Variants in FRMPD4 observed in about 807,000 individuals in gnomAD.
FRMPD4 encodes the protein FERM and PDZ domain containing 4, also known as FERM and PDZ domain-containing protein 4.
A neutral mutation model predicts 94.1 loss-of-function variants in FRMPD4; 22 were observed. That is an observed-to-expected ratio of 0.23 (90% CI 0.17 to 0.33). FRMPD4 has a LOEUF of 0.33. Among genes scored for constraint, FRMPD4 ranks in the 10% least tolerant of loss-of-function variants. The pLI is 1.00. For synonymous variants in FRMPD4, 631 were observed against 548.6 expected (o/e 1.15, Z -2.10); for missense variants, 1,111 against 1,339.9 (o/e 0.83, Z 2.67).
At chrX:12,133,811 T>C (rs1226737767), upstream of FRMPD4, among the ~76,000 whole-genome samples, 1 of 111,280 alleles carries the variant, frequency 9.0e-6, no homozygotes, top group Non-Finnish European at 1.9e-5. Flanking sequence ...GCCCTCACAC[T>C]CACTTCCCTC....
chrX:12,588,859 T>C (rs1268018855), intron 2 of FRMPD4, among the ~76,000 whole-genome samples: 1 of 112,374 alleles, frequency 8.9e-6, no homozygotes, highest in Non-Finnish European at 1.9e-5. Flanking sequence ...CACACATACA[T>C]TTTTTTCTTT....
At chrX:12,476,946 C>T (rs1340259228) in intron 1 of FRMPD4, among the ~76,000 whole-genome samples, 1 of 111,229 alleles carries the variant, frequency 9.0e-6, no homozygotes, top group Non-Finnish European at 1.9e-5. Context: ...ACCATTTGAC[C>T]CAGCCTGGGT....
intron 3 of FRMPD4, among the ~76,000 whole-genome samples, chrX:11,975,273 C>T (rs1022774583): frequency 1.8e-5 from 2 of 112,528 alleles, no homozygotes; most frequent in African/African-American, 6.4e-5. Flanking sequence ...GAGGTGATAT[C>T]ATTTTGAATA....
chrX:12,134,130 C>G (rs964734183), upstream of FRMPD4, among the ~76,000 whole-genome samples: 4 of 112,280 alleles, frequency 3.6e-5, no homozygotes, highest in African/African-American at 1.3e-4. Flanking sequence ...TGTGTGGCAG[C>G]CTCCTTCTTG....
intron 2 of FRMPD4, among the ~76,000 whole-genome samples, chrX:12,508,741 C>G (rs1326686143): frequency 9.0e-6 from 1 of 110,728 alleles, no homozygotes; most frequent in Admixed American, 9.6e-5. Context: ...CGCTTGTAAT[C>G]CCAGCACTTT....
At chrX:11,843,524 A>G (rs758110529) in intron 1 of FRMPD4, among the ~76,000 whole-genome samples, 2 of 111,127 alleles carry the variant, frequency 1.8e-5, no homozygotes, top group African/African-American at 3.3e-5. Context: ...ATGCTTATCC[A>G]TGTATTTAGC....
chrX:11,935,264 A>ATTTT, intron 3 of FRMPD4, among the ~76,000 whole-genome samples: 1 of 7,219 alleles, frequency 1.4e-4, no homozygotes, highest in South Asian at 0.01. Context: ...TTTTTTTTTT[A>ATTTT]ATGTGTTTTT....
At chrX:12,625,243 A>C (rs1438566207) in intron 4 of FRMPD4, among the ~76,000 whole-genome samples, 1 of 111,473 alleles carries the variant, frequency 9.0e-6, no homozygotes, top group Non-Finnish European at 1.9e-5. Context: ...TCCTCAAAAA[A>C]CTAAAAATAG....
At chrX:12,674,837 AAT>A in intron 4 of FRMPD4, 24 bp from the exon 5 acceptor site, 1 of 1,039,662 alleles carries the variant, frequency 9.6e-7, no homozygotes. Context: ...GCATATCATA[AAT>A]ATGTTTGTTT....
At chrX:12,243,790 CTTTTTTTTTTTTT>C (rs148889684) in intron 1 of FRMPD4, among the ~76,000 whole-genome samples, 25 of 22,925 alleles carry the variant, frequency 1.1e-3, no homozygotes, top group South Asian at 6.4e-3. Flanking sequence ...ATCTAAAGGG[CTTTTTTTTTTTTT>C]TTTTTTTTTT....
At chrX:11,861,987 T>C (rs1259852800) in intron 1 of FRMPD4, among the ~76,000 whole-genome samples, 1 of 111,060 alleles carries the variant, frequency 9.0e-6, no homozygotes, top group East Asian at 2.8e-4. Flanking sequence ...GAGAAGCAGG[T>C]ACGTCTTACA....
chrX:12,481,140 T>C (rs981322859), intron 1 of FRMPD4, among the ~76,000 whole-genome samples: 1 of 111,015 alleles, frequency 9.0e-6, no homozygotes, highest in Non-Finnish European at 1.9e-5. Context: ...TACTGGTTCA[T>C]TGGAAGCTTC....
In FRMPD4 at chrX:11,974,181, C is replaced by G. The variant is rs752464787; in HGVS notation, c.95+96163C>G. Among the ~76,000 whole-genome samples, 373 of 111,043 alleles carry G rather than the reference C, an allele frequency of 3.4e-3. 2 individuals carry two copies. The highest frequency in any genetic ancestry group is 4.6e-3 in the Non-Finnish European group (241 of 52,927). On this transcript the variant is annotated intron_variant, in intron 3 of 18. Coordinates refer to the FRMPD4 transcript ENST00000640291. ...CCAGCCTCACGTTGAAATCTGATCCCCAATATTGGAGATGGGGCCTGATGG... is the reference window on the plus strand; with the variant it reads ...CCAGCCTCACGTTGAAATCTGATCCGCAATATTGGAGATGGGGCCTGATGG...
intron 1 of FRMPD4, among the ~76,000 whole-genome samples, chrX:12,366,424 T>A (rs2056080086): frequency 9.0e-6 from 1 of 110,903 alleles, no homozygotes; most frequent in African/African-American, 3.3e-5. Context: ...AGGATCATAT[T>A]AGCAAAACAT....
intron 3 of FRMPD4, among the ~76,000 whole-genome samples, chrX:11,915,276 G>A (rs1345141051): frequency 8.9e-6 from 1 of 112,299 alleles, no homozygotes; most frequent in African/African-American, 3.2e-5. Flanking sequence ...AAACAATTTT[G>A]GGGGGAAGCA....
chrX:11,886,358 G>A (rs1448143218), intron 3 of FRMPD4, among the ~76,000 whole-genome samples: 5 of 111,510 alleles, frequency 4.5e-5, no homozygotes, highest in Non-Finnish European at 9.4e-5. Flanking sequence ...AGAGGAGATC[G>A]ATTTAGACAA....
At chrX:11,963,704 C>A (rs2054295352) in intron 3 of FRMPD4, among the ~76,000 whole-genome samples, 1 of 111,909 alleles carries the variant, frequency 8.9e-6, no homozygotes, top group African/African-American at 3.2e-5. Flanking sequence ...CCAGTTTGTG[C>A]TGGATGTGAC....
chrX:12,437,886 G>T (rs1018918275), intron 1 of FRMPD4, among the ~76,000 whole-genome samples: 3 of 111,849 alleles, frequency 2.7e-5, no homozygotes, highest in African/African-American at 9.7e-5. Flanking sequence ...TTCTTGGTTA[G>T]TTGTAATTTC....
intron 1 of FRMPD4, among the ~76,000 whole-genome samples, chrX:11,836,819 C>A (rs1460002375): frequency 9.0e-6 from 1 of 111,414 alleles, no homozygotes; most frequent in Non-Finnish European, 1.9e-5. Flanking sequence ...TATTGCTATA[C>A]CCTGCCTTTC....
Sources: allele counts gnomAD v4.1 joint callset (sites outside exome capture counted in the v4.1 genomes callset), GRCh38; gene constraint gnomAD v4.1.1; transcripts MANE v1.5; gene names NCBI Gene and HGNC (gene_info 2026-07-23, HGNC 2026-07-21).